The following EVC2 variants were observed in gnomAD, a reference collection of about 807,000 sequenced individuals.
The protein encoded by EVC2 is EvC ciliary complex subunit 2.
A neutral mutation model predicts 149.3 loss-of-function variants in EVC2; 148 were observed. The observed-to-expected ratio is 0.99, with a 90% CI of 0.87 to 1.14. The LOEUF is 1.14. EVC2 is among the 50% of genes most tolerant of loss of function. The pLI is 0.00. For synonymous variants in EVC2, 776 were observed against 649.9 expected (o/e 1.19, Z -2.95); for missense variants, 1,854 against 1,627.3 (o/e 1.14, Z -2.40).
intron 16 of EVC2, among the ~76,000 whole-genome samples, chr4:5,590,761 C>A (rs1268783098): frequency 6.6e-6 from 1 of 152,096 alleles, no homozygotes; most frequent in Non-Finnish European, 1.5e-5. Flanking sequence ...GTACATGAGA[C>A]CTGTATTAGT....
intron 19 of EVC2, 93 bp from the exon 20 acceptor site, chr4:5,568,733 T>TCA: frequency 7.5e-6 from 10 of 1,341,776 alleles, no homozygotes; most frequent in Non-Finnish European, 1.0e-5. Context: ...CATTCTGTCC[T>TCA]GGAGTGATAA....
At chr4:5,593,321 T>C (rs952301268) in intron 16 of EVC2, among the ~76,000 whole-genome samples, 10 of 152,170 alleles carry the variant, frequency 6.6e-5, no homozygotes, top group Admixed American at 5.9e-4. Context: ...TTCTTTCAAG[T>C]GTGCGTTACT....
At chr4:5,708,190 C>A (rs1722338741) in intron 1 of EVC2, 96 bp downstream of exon 1, 1 of 1,129,810 alleles carries the variant, frequency 8.9e-7, no homozygotes, top group Non-Finnish European at 1.2e-6. Flanking sequence ...CTTCCTCATT[C>A]TTTGCGAAAT....
At chr4:5,676,203 C>T (rs1245525561) in intron 7 of EVC2, among the ~76,000 whole-genome samples, 1 of 152,166 alleles carries the variant, frequency 6.6e-6, no homozygotes, top group Admixed American at 6.5e-5. Flanking sequence ...ACAGTACTCT[C>T]ATCCAGGAGA....
At chr4:5,655,647 C>T (rs567783256) in intron 9 of EVC2, among the ~76,000 whole-genome samples, 37 of 151,966 alleles carry the variant, frequency 2.4e-4, no homozygotes, top group Middle Eastern at 3.4e-3. Flanking sequence ...ACACAACTCG[C>T]GCATCACAGA....
intron 19 of EVC2, among the ~76,000 whole-genome samples, chr4:5,570,015 C>A (rs1432137281): frequency 1.3e-5 from 2 of 152,152 alleles, no homozygotes; most frequent in African/African-American, 4.8e-5. Context: ...CTGTCTCTCT[C>A]CAGCGCATTC....
intron 9 of EVC2, among the ~76,000 whole-genome samples, chr4:5,650,819 A>G (rs185504593): frequency 1.0e-3 from 158 of 152,220 alleles, no homozygotes; most frequent in Non-Finnish European, 8.2e-4. Context: ...AACTCATGAC[A>G]TGTTTCTCCA....
chr4:5,706,393 CA>C (rs1722173709), intron 1 of EVC2, among the ~76,000 whole-genome samples: 14 of 9,662 alleles, frequency 1.4e-3, no homozygotes, highest in East Asian at 5.2e-3. Context: ...TAGATAGATA[CA>C]TAGATAGATA....
At chr4:5,651,186 A>G (rs894376726) in intron 9 of EVC2, among the ~76,000 whole-genome samples, 18 of 152,034 alleles carry the variant, frequency 1.2e-4, no homozygotes, top group Non-Finnish European at 1.5e-5. Context: ...AGGCGAATAG[A>G]TGGGTCGATA....
In EVC2 at chr4:5,614,921, G is replaced by A. The variant is rs1477989089; in HGVS notation, c.2829+501C>T. Reference sequence around the variant, plus strand: ...GAACCCAGGAGGCGGAGGTTGCAGTGAGCCGAGATCACACCACTGCACTCC... The same window carrying A: ...GAACCCAGGAGGCGGAGGTTGCAGTAAGCCGAGATCACACCACTGCACTCC... On this transcript the variant is annotated intron_variant, in intron 16 of 21. Coordinates refer to ENST00000344408, the MANE Select transcript of EVC2 (RefSeq NM_147127.5). The surrounding 1 kb of genome is among the most constrained non-coding windows in gnomAD (Gnocchi z 4.7). Among the ~76,000 whole-genome samples, 1 of 150,252 alleles carries A rather than the reference G, an allele frequency of 6.7e-6. No homozygotes were observed. Among genetic ancestry groups the A allele is most frequent in the African/African-American group, 2.5e-5 (1 of 40,656 alleles).
intron 7 of EVC2, among the ~76,000 whole-genome samples, chr4:5,668,458 G>T (rs879909509): frequency 6.6e-6 from 1 of 152,118 alleles, no homozygotes; most frequent in Non-Finnish European, 1.5e-5. Context: ...CTTGAATTTT[G>T]ATTAACACTA....
intron 17 of EVC2, among the ~76,000 whole-genome samples, chr4:5,578,874 G>A (rs1373459555): frequency 6.6e-6 from 1 of 152,146 alleles, no homozygotes. Context: ...TCTGCCAGAG[G>A]GAATCATGGA....
At chr4:5,564,219 C>T (rs1057113645) in intron 21 of EVC2, among the ~76,000 whole-genome samples, 2 of 152,218 alleles carry the variant, frequency 1.3e-5, no homozygotes, top group African/African-American at 2.4e-5. Context: ...TGTGTCTCCA[C>T]CATGGTGCCT....
chr4:5,568,680 T>A, intron 19 of EVC2, 40 bp from the exon 20 acceptor site: 1 of 1,580,216 alleles, frequency 6.3e-7, no homozygotes, highest in Non-Finnish European at 8.6e-7. Flanking sequence ...CCTCGCCGCC[T>A]CTCAACTTGA....
chr4:5,610,115 G>A (rs1322270906), intron 16 of EVC2, among the ~76,000 whole-genome samples: 1 of 152,154 alleles, frequency 6.6e-6, no homozygotes, highest in Non-Finnish European at 1.5e-5. Flanking sequence ...GTTACAGGCT[G>A]TGTGAGGATT....
Position 5,611,429 on chromosome 4 carries a change from C to T in EVC2, c.2829+3993G>A, listed in dbSNP as rs148477519. Among the ~76,000 whole-genome samples, 520 of 152,116 alleles carry T rather than the reference C, an allele frequency of 3.4e-3. 3 individuals are homozygous for T. The highest frequency in any genetic ancestry group is 4.2e-3 in the Non-Finnish European group (283 of 68,016). ...CACTGTGTCATATTAGTACAGTGTA[C>T]TAAGCCTATTTAATTATACAAAGAG... On this transcript the variant is annotated intron_variant, in intron 16 of 21. Coordinates refer to ENST00000344408, the MANE Select transcript of EVC2 (RefSeq NM_147127.5).
chr4:5,702,481 T>C (rs916398635), intron 1 of EVC2, among the ~76,000 whole-genome samples: 3 of 152,228 alleles, frequency 2.0e-5, no homozygotes, highest in Admixed American at 1.3e-4. Context: ...GCCTGGTCTC[T>C]GCTAACCCTC....
At chr4:5,683,969 G>A (rs1262000693) in intron 6 of EVC2, among the ~76,000 whole-genome samples, 1 of 150,970 alleles carries the variant, frequency 6.6e-6, no homozygotes. Flanking sequence ...CGGGGCTTCA[G>A]CTCCTGAGGC....
intron 16 of EVC2, among the ~76,000 whole-genome samples, chr4:5,595,614 A>G (rs1560149997): frequency 6.6e-6 from 1 of 152,138 alleles, no homozygotes. Flanking sequence ...CTGCAAAATC[A>G]AGCCAAATTG....
Sources: gnomAD v4.1 joint callset for allele counts (sites outside exome capture counted in the v4.1 genomes callset) on GRCh38, gnomAD v4.1.1 for gene constraint, Gnocchi (gnomAD v3.1) non-coding constraint, MANE v1.5 for transcripts, NCBI Gene and HGNC (gene_info 2026-07-23, HGNC 2026-07-21) for gene names.